The following CHODL variants were observed in gnomAD, a reference collection of about 807,000 sequenced individuals.
CHODL encodes the protein chondrolectin, also known as transmembrane protein MT75.
In CHODL, 29 loss-of-function variants were observed where a neutral mutation model predicts 34.5. That is an observed-to-expected ratio of 0.84 (90% CI 0.63 to 1.15). The LOEUF is 1.15. CHODL is among the 50% of genes most tolerant of loss of function. CHODL has a pLI of 0.00. For synonymous variants in CHODL, 125 were observed against 116.1 expected, an observed-to-expected ratio of 1.08 and a Z score of -0.49; for missense variants, 332 against 332.5, an observed-to-expected ratio of 1.00 and a Z score of 0.01.
At chr21:17,963,309 TG>T (rs2063547269) in intron 1 of CHODL, among the ~76,000 whole-genome samples, 2 of 152,020 alleles carry the variant, frequency 1.3e-5, no homozygotes, top group Non-Finnish European at 2.9e-5. Flanking sequence ...ATTGGAAAAA[TG>T]ATACTAGAAG....
At chr21:17,935,698 T>A (rs1198755299) in intron 1 of CHODL, among the ~76,000 whole-genome samples, 3 of 152,228 alleles carry the variant, frequency 2.0e-5, no homozygotes, top group Non-Finnish European at 4.4e-5. Context: ...TCCTGATATA[T>A]TAAATCTCTA....
At chr21:17,942,842 CG>C (rs2063376466) in intron 1 of CHODL, among the ~76,000 whole-genome samples, 1 of 152,088 alleles carries the variant, frequency 6.6e-6, no homozygotes, top group African/African-American at 2.4e-5. Context: ...AGGAGGGACC[CG>C]GTAGAAGGTG....
chr21:18,054,948 C>T (rs184567903), intron 2 of CHODL, among the ~76,000 whole-genome samples: 2 of 152,146 alleles, frequency 1.3e-5, no homozygotes, highest in African/African-American at 4.8e-5. Flanking sequence ...GGGCTGTCAC[C>T]ATGACCATAC....
chr21:18,001,138 A>T (rs748639503), intron 1 of CHODL, among the ~76,000 whole-genome samples: 4 of 152,238 alleles, frequency 2.6e-5, no homozygotes, highest in Non-Finnish European at 5.9e-5. Context: ...TGGGTGTGGA[A>T]CCACAGGACT....
upstream of CHODL, among the ~76,000 whole-genome samples, chr21:18,240,668 G>A (rs1334940347): frequency 1.3e-5 from 2 of 152,054 alleles, no homozygotes; most frequent in African/African-American, 4.8e-5. Flanking sequence ...AGAATAAAAA[G>A]TATTGGTTTA....
intron 2 of CHODL, among the ~76,000 whole-genome samples, chr21:18,034,344 TA>T (rs1323164988): frequency 6.6e-6 from 1 of 151,986 alleles, no homozygotes; most frequent in Admixed American, 6.6e-5. Flanking sequence ...ATCTTGAATA[TA>T]AAAGACAAAG....
intron 1 of CHODL, among the ~76,000 whole-genome samples, chr21:17,984,475 T>A (rs2063738362): frequency 6.6e-6 from 1 of 152,206 alleles, no homozygotes; most frequent in Non-Finnish European, 1.5e-5. Context: ...TGCCTCATTC[T>A]CTTTATATAG....
intron 2 of CHODL, among the ~76,000 whole-genome samples, chr21:18,209,777 C>T (rs1318820420): frequency 3.3e-5 from 5 of 152,154 alleles, no homozygotes; most frequent in Admixed American, 1.3e-4. Context: ...CCCTTCAAGG[C>T]AGTAGGTTCC....
At chr21:18,118,269 GC>G (rs1362311474) in intron 2 of CHODL, among the ~76,000 whole-genome samples, 1 of 152,114 alleles carries the variant, frequency 6.6e-6, no homozygotes, top group Non-Finnish European at 1.5e-5. Context: ...TCTGAGAGAT[GC>G]AAAAATGAGA....
At chr21:18,248,711 T>C (rs1344216876) in intron 1 of CHODL, among the ~76,000 whole-genome samples, 2 of 117,754 alleles carry the variant, frequency 1.7e-5, no homozygotes, top group Admixed American at 9.8e-5. Flanking sequence ...ATGTATATAA[T>C]ATATACATAT....
At chr21:18,115,668 T>C (rs1029013490) in intron 2 of CHODL, among the ~76,000 whole-genome samples, 11 of 152,244 alleles carry the variant, frequency 7.2e-5, no homozygotes, top group African/African-American at 2.7e-4. Context: ...CCAAACGTTT[T>C]CACTGTGCAC....
intron 1 of CHODL, among the ~76,000 whole-genome samples, chr21:17,929,299 CTT>C (rs2063252522): frequency 6.6e-6 from 1 of 152,162 alleles, no homozygotes; most frequent in Admixed American, 6.5e-5. Flanking sequence ...TTCACTTAAA[CTT>C]GCAAATTTAC....
intron 2 of CHODL, among the ~76,000 whole-genome samples, chr21:18,086,059 T>G (rs2065003419): frequency 6.8e-6 from 1 of 148,010 alleles, no homozygotes; most frequent in Admixed American, 6.7e-5. Flanking sequence ...TTTTTTTTTT[T>G]TTTTTTTTGC....
intron 1 of CHODL, among the ~76,000 whole-genome samples, chr21:17,947,223 A>G (rs113017303): frequency 6.6e-6 from 1 of 152,144 alleles, no homozygotes; most frequent in Admixed American, 6.5e-5. Context: ...AAACTTTACA[A>G]ATACCTTATA....
intron 2 of CHODL, among the ~76,000 whole-genome samples, chr21:18,070,569 A>G (rs2064791346): frequency 6.6e-6 from 1 of 152,190 alleles, no homozygotes; most frequent in Admixed American, 6.5e-5. Context: ...CATTATTTTA[A>G]TTACACTGGG....
chr21:18,120,787 C>G (rs895029103), intron 2 of CHODL, among the ~76,000 whole-genome samples: 6 of 151,418 alleles, frequency 4.0e-5, no homozygotes, highest in Admixed American at 3.9e-4. Flanking sequence ...TCTCTTGTAA[C>G]CATTCATTTT....
At chr21:18,200,283 G>A (rs1037991955) in intron 2 of CHODL, among the ~76,000 whole-genome samples, 1 of 152,036 alleles carries the variant, frequency 6.6e-6, no homozygotes, top group African/African-American at 2.4e-5. Flanking sequence ...TATATCTAAA[G>A]AATTATACTG....
intron 1 of CHODL, among the ~76,000 whole-genome samples, chr21:17,933,133 T>C (rs2063289107): frequency 6.6e-6 from 1 of 152,198 alleles, no homozygotes; most frequent in Non-Finnish European, 1.5e-5. Flanking sequence ...TCTCAGTAGA[T>C]GGAACATACA....
At chr21:17,925,688 A>T (rs971009753) in intron 1 of CHODL, among the ~76,000 whole-genome samples, 1 of 152,246 alleles carries the variant, frequency 6.6e-6, no homozygotes, top group Admixed American at 6.5e-5. Flanking sequence ...AAATTTATTT[A>T]TAATAGATTT....
Sources: gnomAD v4.1 joint callset for allele counts (sites outside exome capture counted in the v4.1 genomes callset) on GRCh38, gnomAD v4.1.1 for gene constraint, MANE v1.5 for transcripts, NCBI Gene and HGNC (gene_info 2026-07-23, HGNC 2026-07-21) for gene names.